FAM13A: variants seen among roughly 807,000 people sequenced by gnomAD.
FAM13A encodes the protein family with sequence similarity 13 member A.
In FAM13A, 76 loss-of-function variants were observed where a neutral mutation model predicts 129.6. The observed-to-expected ratio is 0.59, with a 90% CI of 0.49 to 0.71. The LOEUF (loss-of-function observed/expected upper bound fraction) is 0.71. Among genes scored for constraint, FAM13A ranks in the 30% least tolerant of loss-of-function variants. The pLI is 0.00. For missense variants in FAM13A, 1,108 were observed against 1,249.3 expected, an observed-to-expected ratio of 0.89 and a Z score of 1.70; for synonymous variants, 443 against 449.9, an observed-to-expected ratio of 0.98 and a Z score of 0.20.
At chr4:88,866,284 G>C (rs1740427443) in intron 6 of FAM13A, among the ~76,000 whole-genome samples, 2 of 152,134 alleles carry the variant, frequency 1.3e-5, no homozygotes, top group East Asian at 3.9e-4. Context: ...CTGACCTTGT[G>C]ATCTCCCCAT....
At chr4:88,893,139 A>C (rs776491411) in intron 6 of FAM13A, among the ~76,000 whole-genome samples, 90 of 152,222 alleles carry the variant, frequency 5.9e-4, no homozygotes, top group Non-Finnish European at 6.6e-4. Context: ...CATATGAAAA[A>C]CTGCCCATTT....
intron 7 of FAM13A, among the ~76,000 whole-genome samples, chr4:88,848,622 T>C (rs1174878972): frequency 1.3e-5 from 2 of 152,222 alleles, no homozygotes; most frequent in African/African-American, 4.8e-5. Context: ...GCTGAATTGC[T>C]CCAAAGGCCT....
At chr4:88,843,855 C>T (rs1027827098) in intron 7 of FAM13A, among the ~76,000 whole-genome samples, 2 of 152,138 alleles carry the variant, frequency 1.3e-5, no homozygotes, top group Admixed American at 6.5e-5. Context: ...AGATGGACAG[C>T]GATGATGTGG....
intron 4 of FAM13A, among the ~76,000 whole-genome samples, chr4:88,985,367 A>G (rs926468994): frequency 1.3e-5 from 2 of 152,216 alleles, no homozygotes; most frequent in African/African-American, 4.8e-5. Flanking sequence ...AAAATATTCT[A>G]TAAGTGACCG....
intron 5 of FAM13A, among the ~76,000 whole-genome samples, chr4:88,921,407 A>G (rs1001010908): frequency 1.3e-5 from 2 of 152,212 alleles, no homozygotes; most frequent in Non-Finnish European, 2.9e-5. Flanking sequence ...CAACATTCTT[A>G]AAGAAAAGAA....
chr4:88,857,439 C>T (rs745868033), intron 6 of FAM13A, among the ~76,000 whole-genome samples: 1 of 151,832 alleles, frequency 6.6e-6, no homozygotes, highest in East Asian at 1.9e-4. Context: ...ACCAGCCTGG[C>T]CAACATGGTG....
intron 7 of FAM13A, among the ~76,000 whole-genome samples, chr4:88,837,732 A>C (rs1364290840): frequency 1.3e-5 from 2 of 151,386 alleles, no homozygotes; most frequent in African/African-American, 2.4e-5. Context: ...AAAAAAAAAA[A>C]AAAAAAAGCA....
At chr4:89,039,196 A>G (rs537208157) in intron 1 of FAM13A, among the ~76,000 whole-genome samples, 122 of 152,228 alleles carry the variant, frequency 8.0e-4, no homozygotes, top group Non-Finnish European at 1.5e-3. Flanking sequence ...AAGGAGAGAC[A>G]TTCTAACACA....
intron 6 of FAM13A, among the ~76,000 whole-genome samples, chr4:88,899,009 T>C (rs898256273): frequency 2.6e-5 from 4 of 151,884 alleles, no homozygotes; most frequent in Non-Finnish European, 5.9e-5. Flanking sequence ...TGCAAAAATA[T>C]GGAACCAGCC....
At chr4:88,824,559 A>G (rs1399646070) in intron 7 of FAM13A, among the ~76,000 whole-genome samples, 1 of 152,198 alleles carries the variant, frequency 6.6e-6, no homozygotes, top group African/African-American at 2.4e-5. Context: ...ATTTAACCCC[A>G]AACTTATTTC....
intron 3 of FAM13A, among the ~76,000 whole-genome samples, chr4:89,011,961 C>A (rs1363553090): frequency 6.6e-6 from 1 of 152,068 alleles, no homozygotes; most frequent in Non-Finnish European, 1.5e-5. Context: ...TTTTTCATTT[C>A]TTTGTATTAC....
chr4:89,053,533 C>T (rs927151277), intron 1 of FAM13A, among the ~76,000 whole-genome samples: 1 of 152,018 alleles, frequency 6.6e-6, no homozygotes, highest in South Asian at 2.1e-4. Context: ...TTCCTGCTTG[C>T]GCTATGGGAT....
In FAM13A at chr4:88,949,993, C is replaced by A. The variant is rs577341932; in HGVS notation, c.606-11752G>T. On this transcript the variant is annotated intron_variant, in intron 4 of 23. Coordinates refer to ENST00000264344, the MANE Select transcript of FAM13A (RefSeq NM_014883.4). Reference sequence around the variant, plus strand: ...ATTTTGGATACGTTGGAAAAATTGACATTAATTTCTGAGATATTTTCAAAT... The same window carrying A: ...ATTTTGGATACGTTGGAAAAATTGAAATTAATTTCTGAGATATTTTCAAAT... Among the ~76,000 whole-genome samples the A allele has an allele frequency of 3.6e-4, 55 of 152,232 alleles. 1 individual carries two copies. The highest frequency in any genetic ancestry group is 1.3e-3 in the African/African-American group (53 of 41,538).
chr4:88,750,644 G>C lies in FAM13A; in HGVS notation c.1727-7C>G. 6.3e-7 allele frequency: 1 copy of C among 1,577,350 alleles called. No homozygotes were observed. Among genetic ancestry groups the C allele is most frequent in the South Asian group, 1.1e-5 (1 of 89,658 alleles). On this transcript the variant is annotated splice_polypyrimidine_tract_variant and splice_region_variant and intron_variant, in intron 14 of 23. Transcript: ENST00000264344. ...GAGAAAGCAGGGATAGGCTCTGGAA[G>C]ATAAGGGCAGTAAGATCAGGACTGT...
chr4:88,848,472 T>C (rs1338780728), intron 7 of FAM13A, among the ~76,000 whole-genome samples: 1 of 152,198 alleles, frequency 6.6e-6, no homozygotes, highest in Non-Finnish European at 1.5e-5. Context: ...CAATAAACAC[T>C]GAAAAACTCC....
chr4:88,891,105 C>T (rs1745234619), intron 6 of FAM13A, among the ~76,000 whole-genome samples: 1 of 152,164 alleles, frequency 6.6e-6, no homozygotes, highest in African/African-American at 2.4e-5. Context: ...TAGTCCCAAT[C>T]TTAAATTGTT....
At chr4:89,036,263 A>G (rs1369675757) in intron 1 of FAM13A, among the ~76,000 whole-genome samples, 10 of 152,186 alleles carry the variant, frequency 6.6e-5, no homozygotes, top group Non-Finnish European at 1.5e-4. Flanking sequence ...AACTGGAGTA[A>G]AGGTTACTCT....
chr4:88,744,571 A>T (rs745545260), intron 19 of FAM13A, among the ~76,000 whole-genome samples: 6 of 152,150 alleles, frequency 3.9e-5, no homozygotes, highest in African/African-American at 1.4e-4. Context: ...AAAAAAATCC[A>T]TTGAGTTTTG....
At chr4:88,797,196 T>G (rs1244106050) in intron 8 of FAM13A, among the ~76,000 whole-genome samples, 6 of 152,072 alleles carry the variant, frequency 3.9e-5, no homozygotes, top group Middle Eastern at 3.2e-3. Context: ...TGTTTCTTCA[T>G]TCAAATTATA....
Sources: allele counts gnomAD v4.1 joint callset (sites outside exome capture counted in the v4.1 genomes callset), GRCh38; gene constraint gnomAD v4.1.1; transcripts MANE v1.5; gene names NCBI Gene and HGNC (gene_info 2026-07-23, HGNC 2026-07-21).